The following RIT2 variants were observed in gnomAD, a reference collection of about 807,000 sequenced individuals.
RIT2 encodes the protein GTP-binding protein Rit2.
Under a neutral mutation model 23.7 loss-of-function variants are expected in RIT2, and 24 were observed. The ratio of observed to expected loss-of-function variants is 1.01; its 90% CI spans 0.73 to 1.43. The LOEUF (loss-of-function observed/expected upper bound fraction) is 1.43, where lower values mean the gene tolerates loss of function less well. RIT2 is among the 40% of genes most tolerant of loss of function. RIT2 has a pLI of 0.00. For synonymous variants in RIT2, 107 were observed against 91.1 expected (o/e 1.17, Z -0.99); for missense variants, 236 against 266.9 (o/e 0.88, Z 0.81).
intron 2 of RIT2, among the ~76,000 whole-genome samples, chr18:43,013,449 T>A (rs573299455): frequency 3.9e-4 from 60 of 151,920 alleles, no homozygotes; most frequent in Non-Finnish European, 7.4e-4. Flanking sequence ...GTGGGGAGAA[T>A]GTTGAACTTT....
intron 4 of RIT2, among the ~76,000 whole-genome samples, chr18:42,869,530 C>CT (rs1271781960): frequency 6.6e-6 from 1 of 152,196 alleles, no homozygotes; most frequent in East Asian, 1.9e-4. Context: ...TACTGTTTCT[C>CT]TTTATATGGT....
chr18:43,081,151 TA>T (rs1187259385), intron 1 of RIT2, among the ~76,000 whole-genome samples: 1 of 152,310 alleles, frequency 6.6e-6, no homozygotes, highest in Admixed American at 6.5e-5. Context: ...ATAGATCTAT[TA>T]ATGGATATAC....
intron 4 of RIT2, among the ~76,000 whole-genome samples, chr18:42,919,794 A>G (rs1909007747): frequency 1.3e-5 from 2 of 152,072 alleles, no homozygotes; most frequent in South Asian, 4.1e-4. Flanking sequence ...TCCTTCACTC[A>G]TAGACTGCTT....
chr18:43,038,290 C>T (rs868025472), intron 1 of RIT2, among the ~76,000 whole-genome samples: 3 of 138,828 alleles, frequency 2.2e-5, no homozygotes, highest in Middle Eastern at 3.8e-3. Flanking sequence ...TCTTTAATTT[C>T]TAGAACTTTT....
intron 4 of RIT2, among the ~76,000 whole-genome samples, chr18:42,894,738 T>C (rs1908276950): frequency 6.6e-6 from 1 of 152,158 alleles, no homozygotes; most frequent in African/African-American, 2.4e-5. Context: ...TAAACTGCTG[T>C]GGGGAAGAAA....
intron 4 of RIT2, among the ~76,000 whole-genome samples, chr18:42,890,934 A>G (rs1050600745): frequency 6.6e-6 from 1 of 152,116 alleles, no homozygotes; most frequent in East Asian, 1.9e-4. Context: ...ACAACAAAGA[A>G]ATTTATATTT....
At chr18:43,062,265 G>A (rs761306205) in intron 1 of RIT2, among the ~76,000 whole-genome samples, 22 of 152,178 alleles carry the variant, frequency 1.4e-4, no homozygotes, top group Admixed American at 3.3e-4. Context: ...CAACCCTCAC[G>A]ATTTCCTTAA....
intron 4 of RIT2, among the ~76,000 whole-genome samples, chr18:42,855,415 G>A (rs1907155925): frequency 6.6e-6 from 1 of 152,126 alleles, no homozygotes; most frequent in African/African-American, 2.4e-5. Flanking sequence ...TATAAGAGAG[G>A]TTAACCATCT....
At chr18:43,067,264 T>C (rs1912792073) in intron 1 of RIT2, among the ~76,000 whole-genome samples, 1 of 152,102 alleles carries the variant, frequency 6.6e-6, no homozygotes. Flanking sequence ...TTATTGGATA[T>C]ATATCAATTG....
intron 4 of RIT2, among the ~76,000 whole-genome samples, chr18:42,875,345 T>TA (rs1302895768): frequency 2.7e-4 from 41 of 150,668 alleles, no homozygotes; most frequent in Middle Eastern, 3.4e-3. Context: ...TTTTTTTTTT[T>TA]AAAAAAAGGT....
intron 1 of RIT2, among the ~76,000 whole-genome samples, chr18:43,109,644 A>C (rs1913907284): frequency 1.3e-5 from 2 of 152,174 alleles, no homozygotes; most frequent in South Asian, 4.1e-4. Flanking sequence ...CTGAGTTTCC[A>C]AAGCTCTTAC....
At chr18:42,966,636 ATTTC>A (rs983276807) in intron 3 of RIT2, among the ~76,000 whole-genome samples, 1 of 152,142 alleles carries the variant, frequency 6.6e-6, no homozygotes, top group Middle Eastern at 3.2e-3. Context: ...GAAATTTGAC[ATTTC>A]TTTCTCCAGT....
chr18:43,102,575 C>T (rs537323568), intron 1 of RIT2, among the ~76,000 whole-genome samples: 18 of 149,640 alleles, frequency 1.2e-4, no homozygotes, highest in South Asian at 8.5e-4. Context: ...CTTTTGCTTT[C>T]AAGGAATGTG....
At chr18:42,970,791 T>TA (rs1455034261) in intron 3 of RIT2, among the ~76,000 whole-genome samples, 1 of 152,076 alleles carries the variant, frequency 6.6e-6, no homozygotes, top group African/African-American at 2.4e-5. Context: ...AACCTGAGCA[T>TA]AAAAATACAC....
At chr18:42,772,111 GAAGTT>G (rs1217486947) in intron 4 of RIT2, among the ~76,000 whole-genome samples, 2 of 152,092 alleles carry the variant, frequency 1.3e-5, no homozygotes, top group Non-Finnish European at 2.9e-5. Flanking sequence ...GGGATCTCCA[GAAGTT>G]AAGTGACTCA....
chr18:42,949,808 A>G (rs1018425595), intron 3 of RIT2, among the ~76,000 whole-genome samples: 11 of 152,140 alleles, frequency 7.2e-5, no homozygotes, highest in African/African-American at 2.7e-4. Context: ...ATAAAAAAAA[A>G]TAAAAGTCTC....
At position 43,033,839 on chromosome 18, in the gene RIT2, C is replaced by T; in HGVS notation, c.132G>A (p.Gln44=). ...TAGTAGGGTCATGATAATCAGGGAA[C>T]TGATGACTAATAAACTGCATTGTCA... ...SAMTMQFISH[Q]FPDYHDPTIE... Residue 44 remains glutamine (Q), a synonymous_variant, in exon 2 of 5, where the codon CAG becomes CAA. Coordinates refer to ENST00000326695, the MANE Select transcript of RIT2 (RefSeq NM_002930.4). 1 of 1,609,048 alleles carries T rather than the reference C, an allele frequency of 6.2e-7. No individual in the cohort carries two copies. The highest frequency in any genetic ancestry group is 8.5e-7 in the Non-Finnish European group (1 of 1,176,458).
chr18:42,814,612 T>C (rs958451430), intron 4 of RIT2, among the ~76,000 whole-genome samples: 2 of 152,102 alleles, frequency 1.3e-5, no homozygotes. Context: ...CCTGCCCTCA[T>C]CTGTTGGTCC....
rs575238017 is a variant in RIT2, at chr18:42,925,854, G to A, written c.235-2091C>T. On this transcript the variant is annotated intron_variant, in intron 3 of 4. Transcript: ENST00000326695. The stretch of plus-strand genomic sequence containing the variant: ...ATACCTTTAATTAAAATGTAGCAGC[G>A]CTAATATACCTTGGAAACTATTCTA... Among the ~76,000 whole-genome samples the A allele has an allele frequency of 9.9e-5, 15 of 151,492 alleles. No individual in the cohort carries two copies. The East Asian group carries it at 2.3e-3, about 24-fold the overall frequency.
Sources: allele counts gnomAD v4.1 joint callset (sites outside exome capture counted in the v4.1 genomes callset), GRCh38; gene constraint gnomAD v4.1.1; transcripts MANE v1.5; gene names NCBI Gene and HGNC (gene_info 2026-07-23, HGNC 2026-07-21).